TIAM2: variants seen among roughly 807,000 people sequenced by gnomAD.
The protein encoded by TIAM2 is TIAM Rac1 associated GEF 2.
Under a neutral mutation model 152.9 loss-of-function variants are expected in TIAM2, and 80 were observed. That is an observed-to-expected ratio of 0.52 (90% CI 0.44 to 0.63). TIAM2 has a LOEUF of 0.63. Ranked by LOEUF, TIAM2 falls within the 30% of genes least tolerant of loss-of-function variation. The pLI, the probability that TIAM2 is intolerant of heterozygous loss-of-function variation, is 0.00. For synonymous variants in TIAM2, 804 were observed against 838.0 expected (o/e 0.96, Z 0.70); for missense variants, 1,965 against 2,120.1 (o/e 0.93, Z 1.44).
Position 155,183,506 on chromosome 6 carries a change from G to T in TIAM2, c.3064+6G>T. The T allele has an allele frequency of 6.2e-7, 1 of 1,602,222 alleles. No homozygotes were observed. Among genetic ancestry groups the T allele is most frequent in the South Asian group, 1.1e-5 (1 of 89,502 alleles). ...TAAAAAGAATACAGCCAATGGTAAGGCTTTGTTCTGTCTTCCTTCTTAACT... is the reference window on the plus strand; with the variant it reads ...TAAAAAGAATACAGCCAATGGTAAGTCTTTGTTCTGTCTTCCTTCTTAACT... On this transcript the variant is annotated splice_donor_region_variant and intron_variant, in intron 14 of 26. Coordinates refer to ENST00000682666, the MANE Select transcript of TIAM2 (RefSeq NM_012454.4).
At chr6:155,073,456 C>A (rs749712915) in intron 1 of TIAM2, among the ~76,000 whole-genome samples, 5 of 152,176 alleles carry the variant, frequency 3.3e-5, no homozygotes, top group African/African-American at 1.2e-4. Context: ...AGCCACCGTG[C>A]CTGGCCAGAT....
intron 1 of TIAM2, among the ~76,000 whole-genome samples, chr6:155,035,226 ATTTT>A (rs34425957): frequency 7.3e-6 from 1 of 137,002 alleles, no homozygotes; most frequent in African/African-American, 2.7e-5. Context: ...GTATCGTCCT[ATTTT>A]TTTTTTTTTT....
At chr6:155,076,507 G>C (rs1028827789) in intron 1 of TIAM2, among the ~76,000 whole-genome samples, 1 of 152,122 alleles carries the variant, frequency 6.6e-6, no homozygotes, top group Non-Finnish European at 1.5e-5. Context: ...GAAGTACAAA[G>C]AATTTAGGCC....
At chr6:155,088,673 A>C (rs1198080549) in intron 1 of TIAM2, among the ~76,000 whole-genome samples, 1 of 152,214 alleles carries the variant, frequency 6.6e-6, no homozygotes, top group Non-Finnish European at 1.5e-5. Flanking sequence ...TTGAACTCCA[A>C]TCTCAGTCCC....
At chr6:155,147,672 A>G (rs1779847876) in intron 6 of TIAM2, among the ~76,000 whole-genome samples, 1 of 152,098 alleles carries the variant, frequency 6.6e-6, no homozygotes, top group South Asian at 2.1e-4. Flanking sequence ...TTTAGTAGAG[A>G]TGTGGTTTCA....
intron 15 of TIAM2, among the ~76,000 whole-genome samples, chr6:155,231,575 C>T (rs533974699): frequency 7.9e-5 from 12 of 152,332 alleles, no homozygotes; most frequent in South Asian, 2.1e-4. Flanking sequence ...CGGAGCATGC[C>T]GGTCCAGGAG....
rs557128590 is a variant in TIAM2, at chr6:155,028,549, CATATA to C, written c.-209+33063_-209+33067del. Among the ~76,000 whole-genome samples, 605 of 134,184 alleles carry C rather than the reference CATATA, an allele frequency of 4.5e-3. 8 individuals are homozygous for C. Among genetic ancestry groups the C allele is most frequent in the African/African-American group, 0.015 (558 of 36,554 alleles). The allele number at this position is 134,184 out of a possible 152,430, so 88.0% of individuals were successfully genotyped here. On this transcript the variant is annotated intron_variant, in intron 1 of 26. Coordinates refer to ENST00000682666, the MANE Select transcript of TIAM2 (RefSeq NM_012454.4). The stretch of plus-strand genomic sequence containing the variant: ...TATATACTGTGTTACATATATACTA[CATATA>C]ATATATATATACTGTGTTACATATA...
intron 1 of TIAM2, among the ~76,000 whole-genome samples, chr6:155,028,964 G>A (rs62651289): frequency 0.11 from 4,097 of 35,842 alleles, 1,072 homozygotes; most frequent in South Asian, 0.23. Context: ...TACACTGTAT[G>A]TACTATATAT....
At chr6:155,010,565 C>A (rs1162278568) in intron 1 of TIAM2, among the ~76,000 whole-genome samples, 1 of 152,134 alleles carries the variant, frequency 6.6e-6, no homozygotes, top group Non-Finnish European at 1.5e-5. Context: ...AACCCATTCT[C>A]CTGCCTCAGC....
chr6:155,051,577 A>G (rs189549031), intron 1 of TIAM2, among the ~76,000 whole-genome samples: 1 of 152,168 alleles, frequency 6.6e-6, no homozygotes, highest in Admixed American at 6.5e-5. Context: ...CTTCTAAGCC[A>G]TTGCGTTTCC....
rs1252470591 is a variant in TIAM2, at chr6:155,250,765, G to A, written c.3952-148G>A. ...AACTCATATTTTCAAAAGCTCCACCGTTTAAGGCCCCATGTTTACAGGTAT... is the reference window on the plus strand; with the variant it reads ...AACTCATATTTTCAAAAGCTCCACCATTTAAGGCCCCATGTTTACAGGTAT... On this transcript the variant is annotated intron_variant, in intron 21 of 26. Transcript: ENST00000682666. 19 of 1,120,440 alleles carry A rather than the reference G, an allele frequency of 1.7e-5. No homozygotes were observed. In the East Asian group the frequency reaches 1.8e-4, roughly 10 times the overall value. The allele number at this position is 1,120,440 out of a possible 1,614,324, so 69.4% of individuals were successfully genotyped here.
chr6:155,140,326 G>C (rs1327517817), intron 5 of TIAM2, among the ~76,000 whole-genome samples: 1 of 152,146 alleles, frequency 6.6e-6, no homozygotes, highest in African/African-American at 2.4e-5. Context: ...ATCTGGGACT[G>C]TTTGTGAATC....
At chr6:155,230,864 C>T (rs1318829973) in intron 15 of TIAM2, among the ~76,000 whole-genome samples, 5 of 146,250 alleles carry the variant, frequency 3.4e-5, no homozygotes, top group East Asian at 2.0e-4. Context: ...GATGGAGTCT[C>T]GCTCTGTCAC....
At chr6:155,228,995 GCTCT>G (rs1249810241) in intron 15 of TIAM2, among the ~76,000 whole-genome samples, 1 of 152,212 alleles carries the variant, frequency 6.6e-6, no homozygotes, top group Non-Finnish European at 1.5e-5. Context: ...ACATGCACAT[GCTCT>G]CTGCCTTCTC....
At chr6:155,219,629 A>T (rs745535) in intron 15 of TIAM2, among the ~76,000 whole-genome samples, 92,762 of 150,532 alleles carry the variant, frequency 0.62, 29,081 homozygotes, top group Admixed American at 0.75. Flanking sequence ...TTTTTTTTAA[A>T]AAATTTCCTA....
intron 1 of TIAM2, among the ~76,000 whole-genome samples, chr6:155,047,257 C>T (rs1283175012): frequency 1.3e-5 from 2 of 152,222 alleles, no homozygotes; most frequent in Non-Finnish European, 2.9e-5. Context: ...TAGCTCACAG[C>T]AACCTCCACC....
intron 1 of TIAM2, among the ~76,000 whole-genome samples, chr6:155,080,704 A>G (rs1041197677): frequency 2.0e-5 from 3 of 152,112 alleles, no homozygotes; most frequent in Non-Finnish European, 4.4e-5. Flanking sequence ...GAGTGCTGGG[A>G]TTATAGACGT....
At chr6:155,077,090 C>A (rs1360367337) in intron 1 of TIAM2, among the ~76,000 whole-genome samples, 1 of 152,102 alleles carries the variant, frequency 6.6e-6, no homozygotes, top group Non-Finnish European at 1.5e-5. Flanking sequence ...ATCAGTAATT[C>A]CCATAGTTTA....
intron 1 of TIAM2, among the ~76,000 whole-genome samples, chr6:155,047,684 GAGAGGAGAGAGAGAGAGAGAGCGA>G (rs1562300063): frequency 4.7e-4 from 14 of 29,876 alleles, no homozygotes; most frequent in East Asian, 2.5e-3. Context: ...GAGAGAGAGA[GAGAGGAGAGAGAGAGAGAGAGCGA>G]GAGAGAGAGA....
Sources: allele counts gnomAD v4.1 joint callset (sites outside exome capture counted in the v4.1 genomes callset), GRCh38; gene constraint gnomAD v4.1.1; transcripts MANE v1.5; gene names NCBI Gene and HGNC (gene_info 2026-07-23, HGNC 2026-07-21).